Variants in ANK2 observed in about 807,000 individuals in gnomAD.
The protein encoded by ANK2 is ankyrin 2.
In ANK2, 83 loss-of-function variants were observed where a neutral mutation model predicts 360.5. That is an observed-to-expected ratio of 0.23 (90% CI 0.19 to 0.28). The LOEUF is 0.28. ANK2 is among the 10% of genes least tolerant of loss of function. The probability of loss-of-function intolerance (pLI) is 1.00; values close to 1 mark genes in which losing one functional copy is unlikely to be tolerated. For synonymous variants in ANK2, 1,740 were observed against 1,759.5 expected (o/e 0.99, Z 0.28); for missense variants, 4,201 against 4,795.7 (o/e 0.88, Z 3.66).
chr4:113,070,327 G>A (rs542838066), intron 1 of ANK2, among the ~76,000 whole-genome samples: 1 of 149,690 alleles, frequency 6.7e-6, no homozygotes, highest in Non-Finnish European at 1.5e-5. Flanking sequence ...TGCCAGCATT[G>A]TCCACCTTTA....
At chr4:113,322,754 A>G (rs1424948950) in intron 26 of ANK2, among the ~76,000 whole-genome samples, 1 of 152,204 alleles carries the variant, frequency 6.6e-6, no homozygotes, top group Admixed American at 6.5e-5. Flanking sequence ...CCAAAAATAA[A>G]GTCTATTTTA....
intron 9 of ANK2, among the ~76,000 whole-genome samples, chr4:113,247,832 A>G (rs1376254057): frequency 1.3e-5 from 2 of 152,338 alleles, no homozygotes; most frequent in South Asian, 4.1e-4. Context: ...CTAGGTCTCC[A>G]CAAAGCCCTC....
chr4:113,302,529 A>G (rs983181819), intron 22 of ANK2, among the ~76,000 whole-genome samples: 6 of 152,212 alleles, frequency 3.9e-5, no homozygotes, highest in Non-Finnish European at 4.4e-5. Context: ...TCAAATGAGA[A>G]CTCAAAATAA....
chr4:112,748,960 C>T, the ANK2 span, among the ~76,000 whole-genome samples: 4 of 152,194 alleles, frequency 2.6e-5, no homozygotes, highest in South Asian at 2.1e-4. Context: ...AGTGCAATGG[C>T]GCAATCTCAG....
Position 112,879,909 on chromosome 4 carries a change from T to A in ANK2, c.-39-24546T>A, listed in dbSNP as rs543031281. ...TAATGTTGGTTTCCCTTGACTTCCA[T>A]CAATGGTCTGACATTTCTGAATTCC... On this transcript the variant is annotated intron_variant, in intron 1 of 30. Transcript: ENST00000503271. Among the ~76,000 whole-genome samples, 224 of 152,284 alleles carry A rather than the reference T, an allele frequency of 1.5e-3. 1 individual carries two copies. The highest frequency in any genetic ancestry group is 5.2e-3 in the African/African-American group (218 of 41,552).
At chr4:113,211,387 A>C (rs1476509093) in intron 4 of ANK2, among the ~76,000 whole-genome samples, 4 of 152,136 alleles carry the variant, frequency 2.6e-5, no homozygotes, top group Non-Finnish European at 2.9e-5. Flanking sequence ...TGCATTTTGG[A>C]GTAAGTCTCC....
intron 1 of ANK2, among the ~76,000 whole-genome samples, chr4:113,140,851 G>T (rs763520802): frequency 5.9e-5 from 9 of 151,914 alleles, no homozygotes; most frequent in Non-Finnish European, 1.3e-4. Context: ...GGTGGTGCAC[G>T]CCTGCAGTCC....
At position 113,353,652 on chromosome 4, in the gene ANK2, A is replaced by G; in HGVS notation, c.5034A>G (p.Glu1678=). 4.3e-6 allele frequency: 7 copies of G among 1,614,096 alleles called. No homozygotes were observed. Among genetic ancestry groups the G allele is most frequent in the Non-Finnish European group, 5.9e-6 (7 of 1,179,978 alleles). The part of the protein sequence containing the change: ...ALAVGRSSEK[E]GKDIPPDETQ... The stretch of plus-strand genomic sequence containing the variant: ...CTGTTGGCAGGAGCTCTGAAAAGGA[A>G]GGGAAAGACATACCCCCAGATGAGA... The change falls in exon 38 of 46, where the codon GAA becomes GAG. Residue 1678 remains glutamate, a synonymous_variant. Transcript: ENST00000357077.
intron 2 of ANK2, among the ~76,000 whole-genome samples, chr4:113,010,034 A>G (rs11098183): frequency 0.22 from 34,125 of 151,996 alleles, 5,367 homozygotes; most frequent in African/African-American, 0.42. Flanking sequence ...TAATCCTCAC[A>G]TGGCAAAAGG....
At chr4:112,957,767 T>A (rs1232570148) in intron 2 of ANK2, among the ~76,000 whole-genome samples, 1 of 141,244 alleles carries the variant, frequency 7.1e-6, no homozygotes, top group African/African-American at 2.7e-5. Context: ...ACGGGGTGGC[T>A]GCCGGGCGGA....
At chr4:113,196,617 T>A (rs1390689070) in intron 3 of ANK2, 151 bp downstream of exon 3, 49 of 754,516 alleles carry the variant, frequency 6.5e-5, no homozygotes, top group Non-Finnish European at 8.9e-5. Context: ...AACCTCCACC[T>A]CCTGGGCTCA....
chr4:112,964,574 T>A (rs886066045), intron 2 of ANK2, among the ~76,000 whole-genome samples: 2 of 133,282 alleles, frequency 1.5e-5, no homozygotes, highest in South Asian at 2.3e-4. Context: ...TTCTTTTTTC[T>A]TTTTTTTTTT....
At chr4:113,112,800 CTGT>C (rs1419271955) in intron 1 of ANK2, among the ~76,000 whole-genome samples, 7 of 152,182 alleles carry the variant, frequency 4.6e-5, no homozygotes, top group African/African-American at 1.7e-4. Flanking sequence ...TGAAAACCGC[CTGT>C]TTTGATTTGG....
At chr4:112,989,010 T>A (rs2045870030) in intron 2 of ANK2, among the ~76,000 whole-genome samples, 1 of 152,226 alleles carries the variant, frequency 6.6e-6, no homozygotes, top group South Asian at 2.1e-4. Context: ...GCTGCTTTAA[T>A]TTTGTGTAGA....
At chr4:113,194,490 A>T (rs2098719509) in intron 2 of ANK2, among the ~76,000 whole-genome samples, 1 of 152,200 alleles carries the variant, frequency 6.6e-6, no homozygotes, top group Non-Finnish European at 1.5e-5. Flanking sequence ...TATAAATCTG[A>T]TTATGAACAA....
chr4:112,724,550 C>CACAT, the ANK2 span, among the ~76,000 whole-genome samples: 1 of 124,210 alleles, frequency 8.1e-6, no homozygotes, highest in Non-Finnish European at 1.8e-5. Flanking sequence ...TATAGACACA[C>CACAT]ACACATACAC....
In ANK2 at chr4:113,199,984, A is replaced by G. The variant is rs180688030; in HGVS notation, c.384+875A>G. Among the ~76,000 whole-genome samples, 35 of 152,328 alleles carry G rather than the reference A, an allele frequency of 2.3e-4. No homozygotes were observed. The East Asian group carries it at 2.9e-3, about 13-fold the overall frequency. ...ATGGCTCTAGTTCTATAGATGGCACAAGTTCTGGACCTAGAAAATACAAAA... is the reference window on the plus strand; with the variant it reads ...ATGGCTCTAGTTCTATAGATGGCACGAGTTCTGGACCTAGAAAATACAAAA... On this transcript the variant is annotated intron_variant, in intron 4 of 45. Transcript: ENST00000357077.
At chr4:112,958,876 C>T (rs2033024877) in intron 2 of ANK2, among the ~76,000 whole-genome samples, 1 of 105,944 alleles carries the variant, frequency 9.4e-6, no homozygotes, top group African/African-American at 4.1e-5. Context: ...GTGATGAAGC[C>T]TTGCTCTTAT....
chr4:112,749,636 A>G, the ANK2 span, among the ~76,000 whole-genome samples: 29 of 152,178 alleles, frequency 1.9e-4, no homozygotes, highest in Non-Finnish European at 4.0e-4. Flanking sequence ...GGATTGTACC[A>G]TGATGTTTGT....
Sources: allele counts gnomAD v4.1 joint callset (sites outside exome capture counted in the v4.1 genomes callset), GRCh38; gene constraint gnomAD v4.1.1; transcripts MANE v1.5; gene names NCBI Gene and HGNC (gene_info 2026-07-23, HGNC 2026-07-21).